The following EEIG1 variants were observed in gnomAD, a reference collection of about 807,000 sequenced individuals.
EEIG1 encodes the protein estrogen-induced osteoclastogenesis regulator 1.
At chr9:127,963,695 C>T in the EEIG1 span, 1 of 152,360 alleles carries the variant, frequency 6.6e-6, no homozygotes, top group African/African-American at 2.4e-5. Context: ...AGGAAGCACG[C>T]CAGGTGGTGT....
At chr9:127,969,268 A>G in the EEIG1 span, among the ~76,000 whole-genome samples, 1 of 152,314 alleles carries the variant, frequency 6.6e-6, no homozygotes, top group South Asian at 2.1e-4. Flanking sequence ...CTCTGGGCCC[A>G]GGCAGGGACG....
the EEIG1 span, among the ~76,000 whole-genome samples, chr9:127,946,643 A>T: frequency 1.3e-5 from 2 of 152,220 alleles, no homozygotes; most frequent in African/African-American, 4.8e-5. Context: ...TAGTCCCCAG[A>T]CACATCTCTC....
the EEIG1 span, chr9:127,979,851 G>T: frequency 2.8e-6 from 3 of 1,057,574 alleles, no homozygotes; most frequent in Non-Finnish European, 4.0e-6. Flanking sequence ...GCCCAGTCCT[G>T]CCTTGTGCAA....
chr9:127,964,865 G>A, the EEIG1 span, among the ~76,000 whole-genome samples: 1 of 152,230 alleles, frequency 6.6e-6, no homozygotes, highest in South Asian at 2.1e-4. Context: ...ACTTTGGGAG[G>A]CTGAGGCGGG....
chr9:127,955,346 C>T, the EEIG1 span, among the ~76,000 whole-genome samples: 5 of 152,344 alleles, frequency 3.3e-5, no homozygotes, highest in South Asian at 2.1e-4. Context: ...CCACCCTACC[C>T]GCCACTCGAG....
chr9:127,975,250 A>G, the EEIG1 span, among the ~76,000 whole-genome samples: 1 of 151,898 alleles, frequency 6.6e-6, no homozygotes, highest in African/African-American at 2.4e-5. Context: ...AAAGAACCCC[A>G]CCTGTGCCTC....
chr9:127,973,126 C>T, the EEIG1 span, among the ~76,000 whole-genome samples: 4 of 152,164 alleles, frequency 2.6e-5, no homozygotes, highest in African/African-American at 4.8e-5. This position sits in a 1 kb window ranked among gnomAD's most constrained non-coding sequence, Gnocchi z 4.2. Context: ...GAGGATACAT[C>T]TAAACTGGTT....
At chr9:127,940,857 A>G in the EEIG1 span, 1 of 58,614 alleles carries the variant, frequency 1.7e-5, no homozygotes, top group Admixed American at 1.9e-4. Context: ...TTGTGCGGTA[A>G]ACAGGAAAAA....
chr9:127,964,748 G>A, the EEIG1 span, among the ~76,000 whole-genome samples: 1 of 152,170 alleles, frequency 6.6e-6, no homozygotes, highest in African/African-American at 2.4e-5. Context: ...GGGGGCAGGT[G>A]CTCAAACTCA....
the EEIG1 span, chr9:127,948,474 GC>G: frequency 3.9e-6 from 6 of 1,528,324 alleles, no homozygotes; most frequent in Non-Finnish European, 5.4e-6. Flanking sequence ...CAGGCGCAGG[GC>G]CCCCTGCAGC....
At chr9:127,968,742 C>T in the EEIG1 span, among the ~76,000 whole-genome samples, 7 of 152,134 alleles carry the variant, frequency 4.6e-5, no homozygotes, top group African/African-American at 9.7e-5. Flanking sequence ...TGAATCGCTC[C>T]GCCAAAGTCA....
chr9:127,947,263 C>CAAAAAAAAAAA, the EEIG1 span, among the ~76,000 whole-genome samples: 1 of 94,660 alleles, frequency 1.1e-5, no homozygotes, highest in Non-Finnish European at 2.1e-5. Flanking sequence ...ACTAAAAATA[C>CAAAAAAAAAAA]AAAAAAAAAA....
the EEIG1 span, among the ~76,000 whole-genome samples, chr9:127,955,353 C>T: frequency 1.3e-5 from 2 of 152,244 alleles, no homozygotes; most frequent in African/African-American, 2.4e-5. Context: ...ACCCGCCACT[C>T]GAGCTCATAT....
At chr9:127,953,578 G>A in the EEIG1 span, 1 of 1,613,974 alleles carries the variant, frequency 6.2e-7, no homozygotes, top group Non-Finnish European at 8.5e-7. Flanking sequence ...CTCTTACCTT[G>A]GAATAAGCCT....
the EEIG1 span, chr9:127,945,014 C>T: frequency 7.9e-6 from 10 of 1,265,678 alleles, no homozygotes; most frequent in Non-Finnish European, 1.1e-5. The surrounding 1 kb of genome is among the most constrained non-coding windows in gnomAD (Gnocchi z 6.5). Context: ...TCCCTGTGCG[C>T]TCCGTGCTGT....
At chr9:127,943,224 C>T in the EEIG1 span, 280 of 1,614,176 alleles carry the variant, frequency 1.7e-4, no homozygotes, top group South Asian at 5.7e-4. Flanking sequence ...GGCTCGTAGA[C>T]CCCAGAAGAG....
chr9:127,964,669 C>T, the EEIG1 span, among the ~76,000 whole-genome samples: 4 of 152,258 alleles, frequency 2.6e-5, no homozygotes, highest in African/African-American at 4.8e-5. Flanking sequence ...CTCAACACTT[C>T]GCCTTCCCAG....
the EEIG1 span, chr9:127,948,553 G>A: frequency 4.8e-6 from 4 of 839,644 alleles, no homozygotes; most frequent in South Asian, 6.4e-5. Flanking sequence ...TGGCTTGGGG[G>A]CTCTGGCAAA....
chr9:127,970,849 A>T, the EEIG1 span, among the ~76,000 whole-genome samples: 1 of 147,806 alleles, frequency 6.8e-6, no homozygotes, highest in African/African-American at 2.5e-5. Flanking sequence ...CCACCTGCTA[A>T]TCCTACTCAT....
Sources: gnomAD v4.1 joint callset for allele counts (sites outside exome capture counted in the v4.1 genomes callset) on GRCh38, gnomAD v4.1.1 for gene constraint, Gnocchi (gnomAD v3.1) non-coding constraint, MANE v1.5 for transcripts, NCBI Gene and HGNC (gene_info 2026-07-23, HGNC 2026-07-21) for gene names.